FAM81A: variants seen among roughly 807,000 people sequenced by gnomAD.
The protein encoded by FAM81A is family with sequence similarity 81 member A.
In FAM81A, 19 loss-of-function variants were observed where a neutral mutation model predicts 46.7. The observed-to-expected ratio is 0.41, with a 90% confidence interval of 0.28 to 0.60. FAM81A has a LOEUF of 0.60. Ranked by LOEUF, FAM81A falls within the 20% of genes least tolerant of loss-of-function variation. The pLI is 0.34. For synonymous variants in FAM81A, 183 were observed against 152.9 expected, an observed-to-expected ratio of 1.20 and a Z score of -1.45; for missense variants, 377 against 453.5, an observed-to-expected ratio of 0.83 and a Z score of 1.53.
chr15:59,428,621 CT>C (rs1206186244), intron 2 of FAM81A, among the ~76,000 whole-genome samples: 1,343 of 70,214 alleles, frequency 0.019, 2 homozygotes, highest in Non-Finnish European at 0.026. Flanking sequence ...ATGTCTACTC[CT>C]TTTTTTTTTT....
intron 1 of FAM81A, among the ~76,000 whole-genome samples, chr15:59,453,800 G>A (rs1567049983): frequency 6.6e-6 from 1 of 152,110 alleles, no homozygotes; most frequent in Non-Finnish European, 1.5e-5. Flanking sequence ...GAAGAGGGTA[G>A]GGAGGGAGGC....
At chr15:59,482,717 C>T (rs2081868922) in intron 3 of FAM81A, among the ~76,000 whole-genome samples, 1 of 152,178 alleles carries the variant, frequency 6.6e-6, no homozygotes, top group African/African-American at 2.4e-5. Context: ...TGGTCTTATG[C>T]CTTACTATAG....
At chr15:59,478,145 C>G (rs1391584266) in intron 3 of FAM81A, among the ~76,000 whole-genome samples, 1 of 152,082 alleles carries the variant, frequency 6.6e-6, no homozygotes, top group African/African-American at 2.4e-5. Context: ...ACCCCCATGT[C>G]TTTTTATGGC....
chr15:59,424,881 G>T (rs532497168), intron 2 of FAM81A, among the ~76,000 whole-genome samples: 2 of 151,888 alleles, frequency 1.3e-5, no homozygotes, highest in Non-Finnish European at 2.9e-5. Flanking sequence ...TTATGCCCTC[G>T]TAATTCGTTC....
At chr15:59,426,793 C>G (rs117940556) in intron 2 of FAM81A, among the ~76,000 whole-genome samples, 3 of 152,222 alleles carry the variant, frequency 2.0e-5, no homozygotes, top group Non-Finnish European at 4.4e-5. Context: ...ACACTTCCCC[C>G]CTAAGCTTCT....
At chr15:59,452,519 TG>T (rs1327361790) in intron 1 of FAM81A, among the ~76,000 whole-genome samples, 2 of 152,182 alleles carry the variant, frequency 1.3e-5, no homozygotes, top group Non-Finnish European at 2.9e-5. Context: ...TGGTGGTAAG[TG>T]CCTGTGGTCC....
intron 8 of FAM81A, among the ~76,000 whole-genome samples, chr15:59,518,943 C>CTGTGTGTGTGTG (rs34494392): frequency 7.0e-6 from 1 of 143,060 alleles, no homozygotes; most frequent in African/African-American, 2.6e-5. Context: ...GTGTGTGTGT[C>CTGTGTGTGTGTG]TGTGTGTGTG....
intron 1 of FAM81A, among the ~76,000 whole-genome samples, chr15:59,449,829 C>A (rs2081397225): frequency 7.4e-6 from 1 of 135,998 alleles, no homozygotes; most frequent in South Asian, 2.5e-4. Context: ...GTATAGTGTT[C>A]TTATCCTTCT....
chr15:59,425,681 A>G (rs1225881430), intron 2 of FAM81A, among the ~76,000 whole-genome samples: 1 of 152,208 alleles, frequency 6.6e-6, no homozygotes, highest in Non-Finnish European at 1.5e-5. Context: ...ACTGGAGTAC[A>G]GTGGCATGAT....
chr15:59,505,260 C>T (rs986541154), intron 4 of FAM81A, among the ~76,000 whole-genome samples: 8 of 152,026 alleles, frequency 5.3e-5, no homozygotes, highest in Non-Finnish European at 1.2e-4. Context: ...ATCTGTAATC[C>T]CAGCACTTTG....
rs756655629 is a variant in FAM81A at position 59,458,556 on chromosome 15, A to T, written c.-71A>T. 6.2e-7 allele frequency: 1 copy of T among 1,611,548 alleles called. No individual in the cohort carries two copies. Among genetic ancestry groups the T allele is most frequent in the Non-Finnish European group, 8.5e-7 (1 of 1,178,618 alleles). On this transcript the variant is annotated 5_prime_UTR_variant, in exon 2 of 9. Transcript: ENST00000288228. ...GTGCTTATTTTTTCAACAGATGTGA[A>T]TTATTAAAAAGAAAATGGCCCAACG...
intron 2 of FAM81A, among the ~76,000 whole-genome samples, chr15:59,403,551 C>T (rs1479732913): frequency 6.6e-6 from 1 of 152,168 alleles, no homozygotes; most frequent in Non-Finnish European, 1.5e-5. Flanking sequence ...TTGCTTAAGA[C>T]ACCCTGACAC....
At chr15:59,401,929 T>C in intron 1 of FAM81A, 5 of 745,454 alleles carry the variant, frequency 6.7e-6, no homozygotes, top group South Asian at 1.4e-5. Context: ...CTTTCTTTCT[T>C]TCTCTTTTTC....
intron 1 of FAM81A, among the ~76,000 whole-genome samples, chr15:59,454,523 T>C (rs1481650265): frequency 6.6e-6 from 1 of 152,238 alleles, no homozygotes; most frequent in Non-Finnish European, 1.5e-5. Flanking sequence ...ATCCTCATAA[T>C]CACAAATAAT....
In FAM81A at chr15:59,515,666, T is replaced by C. The variant is rs148552620; in HGVS notation, c.787-979T>C. ...TTATATATATTTAAAATATTAAATATGTTCTTTTAAGTATTTCCCCATATT... is the reference window on the plus strand; with the variant it reads ...TTATATATATTTAAAATATTAAATACGTTCTTTTAAGTATTTCCCCATATT... On this transcript the variant is annotated intron_variant, in intron 7 of 8. Transcript: ENST00000288228. 4.5e-4 allele frequency among the ~76,000 whole-genome samples: 68 copies of C among 152,272 alleles called. 1 individual carries two copies. Among genetic ancestry groups the C allele is most frequent in the African/African-American group, 1.6e-3 (67 of 41,558 alleles).
chr15:59,519,207 T>C (rs966699341), intron 8 of FAM81A, among the ~76,000 whole-genome samples: 2 of 151,880 alleles, frequency 1.3e-5, no homozygotes, highest in African/African-American at 2.4e-5. Flanking sequence ...TTTTTTTTTT[T>C]AGACAGAGTC....
rs181227899 is a variant in FAM81A at position 59,468,193 on chromosome 15, G to A, written c.294+7987G>A. ...TCTTTTTTTGTTGTGTCTCTGCCAG[G>A]CTTTGGTATCAGGAAGATGCTGGCC... On this transcript the variant is annotated intron_variant, in intron 3 of 8. Transcript: ENST00000288228. Among the ~76,000 whole-genome samples the A allele has an allele frequency of 2.0e-5, 3 of 152,276 alleles. No individual in the cohort carries two copies. In the East Asian group the frequency reaches 5.8e-4, roughly 29 times the overall value.
chr15:59,409,012 T>C lies in FAM81A; in HGVS notation c.-78+6654T>C, dbSNP rs1426669844. Reference sequence around the variant, plus strand: ...TTCTTGCTACTGTACTTGACTAATCTTTAAAAATAAAATTTAATAAAATTT... The same window carrying C: ...TTCTTGCTACTGTACTTGACTAATCCTTAAAAATAAAATTTAATAAAATTT... On this transcript the variant is annotated intron_variant, in intron 2 of 4. Transcript: ENST00000558348. 4 of 152,294 alleles carry C rather than the reference T, an allele frequency of 2.6e-5. No homozygotes were observed. The East Asian group carries it at 7.7e-4, about 29-fold the overall frequency. 9.4% of individuals were successfully genotyped at this position (152,294 alleles called of 1,614,324 possible).
At chr15:59,491,439 G>A (rs879781453) in intron 3 of FAM81A, among the ~76,000 whole-genome samples, 1 of 151,828 alleles carries the variant, frequency 6.6e-6, no homozygotes, top group Non-Finnish European at 1.5e-5. Flanking sequence ...TGGGGGGTGG[G>A]GTGGAAATGT....
Sources: allele counts gnomAD v4.1 joint callset (sites outside exome capture counted in the v4.1 genomes callset), GRCh38; gene constraint gnomAD v4.1.1; transcripts MANE v1.5; gene names NCBI Gene and HGNC (gene_info 2026-07-23, HGNC 2026-07-21).